The following ADAMTS20 variants were observed in gnomAD, a reference collection of about 807,000 sequenced individuals.
ADAMTS20 encodes A disintegrin and metalloproteinase with thrombospondin motifs 20.
ADAMTS20 carries 225 observed loss-of-function variants against 260.1 expected under a neutral mutation model. The observed-to-expected ratio is 0.87, with a 90% CI of 0.78 to 0.97. ADAMTS20 has a LOEUF of 0.97. ADAMTS20 is among the 50% of genes least tolerant of loss of function. ADAMTS20 has a pLI of 0.00. For missense variants in ADAMTS20, 2,400 were observed against 2,337.7 expected, an observed-to-expected ratio of 1.03 and a Z score of -0.55; for synonymous variants, 802 against 769.5, an observed-to-expected ratio of 1.04 and a Z score of -0.70.
intron 31 of ADAMTS20, among the ~76,000 whole-genome samples, chr12:43,378,346 A>G (rs1940275247): frequency 6.6e-6 from 1 of 152,238 alleles, no homozygotes; most frequent in Non-Finnish European, 1.5e-5. Flanking sequence ...GACACCAACC[A>G]AAGTAAGGCA....
intron 3 of ADAMTS20, among the ~76,000 whole-genome samples, chr12:43,521,723 A>G (rs554852056): frequency 2.6e-5 from 4 of 152,120 alleles, no homozygotes; most frequent in African/African-American, 4.8e-5. Flanking sequence ...TGTTTCCCCA[A>G]TGCCTATGGG....
At chr12:43,493,311 T>A in intron 4 of ADAMTS20, 58 bp from the exon 5 acceptor site, 1 of 1,217,582 alleles carries the variant, frequency 8.2e-7, no homozygotes, top group Non-Finnish European at 1.2e-6. Context: ...TTCTCAAAAG[T>A]AAGTTGAAAT....
chr12:43,506,407 A>G (rs553057206), intron 3 of ADAMTS20, among the ~76,000 whole-genome samples: 1 of 152,310 alleles, frequency 6.6e-6, no homozygotes, highest in South Asian at 2.1e-4. Flanking sequence ...GATCTGTTGC[A>G]TAACAATGTG....
rs767450903 is a variant in ADAMTS20 at position 43,428,493 on chromosome 12, T to C, written c.3693A>G (p.Gln1231=). 4 of 1,613,628 alleles carry C rather than the reference T, an allele frequency of 2.5e-6. No individual in the cohort carries two copies. Among genetic ancestry groups the C allele is most frequent in the Non-Finnish European group, 3.4e-6 (4 of 1,179,762 alleles). ...GCTGATGGTAGTTCATGCATAAAAC[T>C]TGTCGAGTTGTTTTTCCATGGCCAC... The part of the protein sequence containing the change: ...ASCGHGKTTR[Q]VLCMNYHQPI... Residue 1231 remains glutamine (Q), a synonymous_variant, in exon 26 of 39, where the codon CAA becomes CAG. Transcript: ENST00000389420.
At chr12:43,357,185 G>C (rs1290620215) in intron 37 of ADAMTS20, among the ~76,000 whole-genome samples, 1 of 152,094 alleles carries the variant, frequency 6.6e-6, no homozygotes, top group African/African-American at 2.4e-5. Context: ...CTGAGAAAAT[G>C]TGTTATTAAA....
chr12:43,551,894 G>T lies in ADAMTS20; in HGVS notation c.28C>A (p.Leu10Met). MWVAKWLTG[L>M]LYHLSLFITR... Reference sequence around the variant, plus strand: ...ATGAAGAGCGAGAGATGGTAGAGCAGCCCAGTCAGCCACTTGGCCACCCAC... The same window carrying T: ...ATGAAGAGCGAGAGATGGTAGAGCATCCCAGTCAGCCACTTGGCCACCCAC... The change falls in exon 1 of 39, where the codon CTG becomes ATG. Residue 10 changes from leucine to methionine, a missense_variant. Leu to Met is a conservative substitution (Grantham distance 15). Coordinates refer to ENST00000389420, the MANE Select transcript of ADAMTS20 (RefSeq NM_025003.5). The surrounding 1 kb of genome is among the most constrained non-coding windows in gnomAD (Gnocchi z 4.6). 6.2e-7 allele frequency: 1 copy of T among 1,613,702 alleles called. No individual in the cohort carries two copies. Among genetic ancestry groups the T allele is most frequent in the Non-Finnish European group, 8.5e-7 (1 of 1,179,734 alleles).
In ADAMTS20 at chr12:43,464,653, A is replaced by G. The variant is rs150281023; in HGVS notation, c.1447T>C (p.Tyr483His). The G allele has an allele frequency of 1.6e-4, 260 of 1,613,466 alleles. No individual in the cohort carries two copies. The African/African-American group carries it at 3.1e-3, about 19-fold the overall frequency. ...AGCTCACACTGCTTGTTTCCATCAT[A>G]TCGTGATCCAGGAAGTTCTGAAGGC... is the stretch of plus-strand genomic sequence containing the variant. The part of the protein sequence containing the change: ...NLPSELPGSR[Y>H]DGNKQCELAF... The change falls in exon 10 of 39, where the codon TAT becomes CAT. Residue 483 changes from tyrosine to histidine, a missense_variant. Tyr to His is a moderately conservative substitution (Grantham distance 83). Transcript: ENST00000389420.
intron 8 of ADAMTS20, among the ~76,000 whole-genome samples, chr12:43,468,390 G>C (rs530963376): frequency 2.0e-5 from 3 of 152,296 alleles, no homozygotes; most frequent in Non-Finnish European, 4.4e-5. Context: ...CCAAGTTCTA[G>C]TTCTTTGCTT....
intron 3 of ADAMTS20, among the ~76,000 whole-genome samples, chr12:43,509,153 T>C (rs1320867089): frequency 1.6e-4 from 25 of 152,152 alleles, no homozygotes. Flanking sequence ...TTCCAGTCTA[T>C]CATTGATTGG....
chr12:43,391,052 C>T (rs185102272), intron 29 of ADAMTS20, among the ~76,000 whole-genome samples: 1 of 152,254 alleles, frequency 6.6e-6, no homozygotes, highest in Admixed American at 6.5e-5. Flanking sequence ...ATTTATTTCT[C>T]ACAGTTCTGG....
intron 31 of ADAMTS20, among the ~76,000 whole-genome samples, chr12:43,381,739 C>G (rs571001333): frequency 7.1e-6 from 1 of 141,634 alleles, no homozygotes; most frequent in Non-Finnish European, 1.5e-5. Context: ...TGTAATTATA[C>G]CACCGCACTC....
At chr12:43,501,893 G>C (rs1485795104) in intron 4 of ADAMTS20, among the ~76,000 whole-genome samples, 3 of 152,130 alleles carry the variant, frequency 2.0e-5, no homozygotes, top group Non-Finnish European at 4.4e-5. Flanking sequence ...ATTCATGTGA[G>C]AAAGTAAAGA....
chr12:43,551,980 G>A lies in ADAMTS20; in HGVS notation c.-59C>T. On this transcript the variant is annotated 5_prime_UTR_variant, in exon 1 of 39. Transcript: ENST00000389420. The surrounding 1 kb of genome is among the most constrained non-coding windows in gnomAD (Gnocchi z 4.6). ...CACCAGAGCCGCCGGCAGCCAAGCC[G>A]GCTTCCCTCGCGCTCCGATCCCTCT... 6.9e-7 allele frequency: 1 copy of A among 1,456,086 alleles called. No individual in the cohort carries two copies. Among genetic ancestry groups the A allele is most frequent in the Non-Finnish European group, 9.6e-7 (1 of 1,040,876 alleles). 90.2% of individuals were successfully genotyped at this position (1,456,086 alleles called of 1,614,324 possible).
intron 9 of ADAMTS20, 89 bp from the exon 10 acceptor site, chr12:43,464,821 T>G: frequency 7.3e-7 from 1 of 1,365,248 alleles, no homozygotes; most frequent in Non-Finnish European, 9.9e-7. Flanking sequence ...AGTTCTTTAC[T>G]TTCAAAGAGA....
At chr12:43,438,356 C>T (rs1239956382) in intron 18 of ADAMTS20, among the ~76,000 whole-genome samples, 1 of 152,210 alleles carries the variant, frequency 6.6e-6, no homozygotes, top group Non-Finnish European at 1.5e-5. Context: ...CCCAGCTCCC[C>T]AGATTCCAAT....
chr12:43,430,371 C>T lies in ADAMTS20; in HGVS notation c.3362G>A (p.Ser1121Asn), dbSNP rs1409478406. The T allele has an allele frequency of 1.2e-6, 2 of 1,612,336 alleles. No individual in the cohort carries two copies. The highest frequency in any genetic ancestry group is 1.7e-5 in the Admixed American group (1 of 59,942). The change falls in exon 23 of 39, where the codon AGT (serine) becomes AAT (asparagine). Residue 1121 changes from serine (S) to asparagine (N), a missense_variant. Physicochemically the swap from Ser to Asn is conservative, Grantham distance 46 (BLOSUM62 1). Transcript: ENST00000389420. ...VLEDTECHEA[S>N]RPSDRQSCVL... ...TTTTACCTGTCTGTCACTGGGGCGA[C>T]TAGCTTCATGGCATTCTGTGTCCTC...
intron 7 of ADAMTS20, among the ~76,000 whole-genome samples, chr12:43,489,570 A>C (rs1193354760): frequency 6.6e-6 from 1 of 152,008 alleles, no homozygotes; most frequent in Non-Finnish European, 1.5e-5. Context: ...TAGACTAAAA[A>C]AAAGAAATCT....
chr12:43,460,989 T>TATATATATATATATATA (rs1555129949), intron 11 of ADAMTS20, among the ~76,000 whole-genome samples: 3 of 25,920 alleles, frequency 1.2e-4, no homozygotes, highest in Non-Finnish European at 1.4e-4. Context: ...TATATATATA[T>TATATATATATATATATA]TTTTTTTTTT....
In ADAMTS20 at chr12:43,356,519, C is replaced by T. The variant is rs773823108; in HGVS notation, c.5608G>A (p.Gly1870Arg). ...CGTATGCTGACAGAGGTATAACTCC[C>T]CTGAGTGAGCCACTTTGCTGTGCTG... ...ISSTAKWLTQ[G>R]SYTSVSIRRS... Residue 1870 changes from glycine (G) to arginine (R), a missense_variant, in exon 38 of 39, where the codon GGG becomes AGG. By Grantham distance (125) the Gly-to-Arg change is moderately radical. Transcript: ENST00000389420. 3.1e-6 allele frequency: 5 copies of T among 1,610,632 alleles called. No individual in the cohort carries two copies. Among genetic ancestry groups the T allele is most frequent in the Admixed American group, 1.7e-5 (1 of 59,650 alleles).
Sources: allele counts gnomAD v4.1 joint callset (sites outside exome capture counted in the v4.1 genomes callset), GRCh38; gene constraint gnomAD v4.1.1; non-coding constraint Gnocchi (gnomAD v3.1); transcripts MANE v1.5; gene names NCBI Gene and HGNC (gene_info 2026-07-23, HGNC 2026-07-21).